Variants in NOS1 observed in about 807,000 individuals in gnomAD.
The protein encoded by NOS1 is NOS type I.
A neutral mutation model predicts 164.5 loss-of-function variants in NOS1; 51 were observed. The ratio of observed to expected loss-of-function variants is 0.31; its 90% CI spans 0.25 to 0.39. The LOEUF (loss-of-function observed/expected upper bound fraction) is 0.39, where lower values mean the gene tolerates loss of function less well. Ranked by LOEUF, NOS1 falls within the 10% of genes least tolerant of loss-of-function variation. NOS1 has a pLI of 1.00. For missense variants in NOS1, 1,362 were observed against 1,885.6 expected, an observed-to-expected ratio of 0.72 and a Z score of 5.14; for synonymous variants, 719 against 745.8, an observed-to-expected ratio of 0.96 and a Z score of 0.59.
intron 1 of NOS1, among the ~76,000 whole-genome samples, chr12:117,358,443 G>C (rs181660879): frequency 0.011 from 1,659 of 152,332 alleles, 107 homozygotes; most frequent in Admixed American, 0.1. Context: ...CAAAAAGCGG[G>C]CTGCTCTGAA....
chr12:117,211,972 G>T lies in NOS1; in HGVS notation c.*3337C>A. 1.5e-6 allele frequency: 1 copy of T among 665,020 alleles called. No individual in the cohort carries two copies. The highest frequency in any genetic ancestry group is 1.9e-6 in the Non-Finnish European group (1 of 537,318). The allele number at this position is 665,020 out of a possible 1,614,324, so 41.2% of individuals were successfully genotyped here. On this transcript the variant is annotated 3_prime_UTR_variant, in exon 29 of 29. Transcript: ENST00000317775. ...CCCAGTTACTCAGGAGGCCGAGGCA[G>T]AAGAATCACTTGAACTGGGGGAGGC...
intron 16 of NOS1, 142 bp downstream of exon 16, chr12:117,258,255 C>A: frequency 1.3e-6 from 1 of 783,874 alleles, no homozygotes; most frequent in East Asian, 2.7e-5. Context: ...AGACTGCAGA[C>A]ACCTCACAAC....
chr12:117,349,257 G>A (rs1319917103), intron 1 of NOS1, among the ~76,000 whole-genome samples: 1 of 152,206 alleles, frequency 6.6e-6, no homozygotes, highest in Non-Finnish European at 1.5e-5. Context: ...TCAGCATCAC[G>A]CTTTTGAGGT....
At chr12:117,323,853 C>T (rs1219441619) in intron 2 of NOS1, among the ~76,000 whole-genome samples, 1 of 152,120 alleles carries the variant, frequency 6.6e-6, no homozygotes, top group Non-Finnish European at 1.5e-5. Flanking sequence ...GCGATTTCAA[C>T]TCACTGCAAT....
intron 3 of NOS1, among the ~76,000 whole-genome samples, chr12:117,292,072 T>C (rs564945055): frequency 6.6e-6 from 1 of 152,316 alleles, no homozygotes; most frequent in South Asian, 2.1e-4. Flanking sequence ...TACATTCAAT[T>C]AGCATTTATT....
chr12:117,344,678 A>G (rs1876262735), intron 1 of NOS1, among the ~76,000 whole-genome samples: 2 of 152,216 alleles, frequency 1.3e-5, no homozygotes, highest in East Asian at 3.9e-4. Context: ...AAGTTGAAAG[A>G]GATGCTAGGG....
At chr12:117,268,355 T>A (rs887823742) in intron 10 of NOS1, among the ~76,000 whole-genome samples, 9 of 151,998 alleles carry the variant, frequency 5.9e-5, no homozygotes, top group African/African-American at 2.2e-4. Flanking sequence ...CTCAGCCTCC[T>A]GAGTAGCTGG....
intron 20 of NOS1, among the ~76,000 whole-genome samples, chr12:117,239,579 T>C (rs1031372312): frequency 1.3e-5 from 2 of 152,236 alleles, no homozygotes; most frequent in Non-Finnish European, 2.9e-5. Flanking sequence ...TTGTCTGCAA[T>C]TAGTGGTCTC....
chr12:117,226,812 C>T (rs770589078), intron 23 of NOS1, 42 bp from the exon 24 acceptor site: 65 of 1,491,792 alleles, frequency 4.4e-5, no homozygotes, highest in Non-Finnish European at 5.2e-5. Context: ...CCACTGCTCC[C>T]GAGCACGGCC....
chr12:117,260,118 C>CAA (rs60261967), intron 14 of NOS1, among the ~76,000 whole-genome samples: 46 of 115,806 alleles, frequency 4.0e-4, no homozygotes, highest in African/African-American at 1.3e-3. Flanking sequence ...AACTCCTTCT[C>CAA]AAAAAAAAAA....
At chr12:117,339,935 G>A (rs1204918801) in intron 1 of NOS1, among the ~76,000 whole-genome samples, 1 of 152,184 alleles carries the variant, frequency 6.6e-6, no homozygotes, top group African/African-American at 2.4e-5. Context: ...AAAGGGGGCT[G>A]GAAGGCTAGA....
chr12:117,237,711 GA>G (rs1187788324), intron 20 of NOS1, among the ~76,000 whole-genome samples: 6 of 152,052 alleles, frequency 3.9e-5, no homozygotes, highest in African/African-American at 1.4e-4. Flanking sequence ...ATTCTTCAGT[GA>G]AAAGAGTAAA....
chr12:117,211,894 G>C lies in NOS1; in HGVS notation c.*3415C>G. On this transcript the variant is annotated 3_prime_UTR_variant, in exon 29 of 29. Transcript: ENST00000317775. ...AGCCTGGCCAACATGGTGAAACCCTGACTCTACTAAAAATACAAAACTTAG... is the reference window on the plus strand; with the variant it reads ...AGCCTGGCCAACATGGTGAAACCCTCACTCTACTAAAAATACAAAACTTAG... 4 of 799,388 alleles carry C rather than the reference G, an allele frequency of 5.0e-6. No homozygotes were observed. Among genetic ancestry groups the C allele is most frequent in the Non-Finnish European group, 6.1e-6 (4 of 660,714 alleles). The allele number at this position is 799,388 out of a possible 1,614,324, so 49.5% of individuals were successfully genotyped here.
chr12:117,232,884 T>C (rs1320186043), intron 21 of NOS1, among the ~76,000 whole-genome samples: 1 of 152,036 alleles, frequency 6.6e-6, no homozygotes, highest in Non-Finnish European at 1.5e-5. Context: ...TTATTTATTT[T>C]TTTGAGACAG....
At chr12:117,258,704 T>C (rs535030661) in intron 15 of NOS1, among the ~76,000 whole-genome samples, 1 of 152,270 alleles carries the variant, frequency 6.6e-6, no homozygotes, top group South Asian at 2.1e-4. Context: ...GTTGGAGCCT[T>C]CCTTCTATAA....
Position 117,253,771 on chromosome 12 carries a change from G to A in NOS1, c.2532-17C>T, listed in dbSNP as rs756327696. The A allele has an allele frequency of 6.3e-7, 1 of 1,576,152 alleles. No homozygotes were observed. The highest frequency in any genetic ancestry group is 1.7e-5 in the Admixed American group (1 of 59,932). ...TTGTAGCTCCTGCCAAAACCAAAGA[G>A]AACCTGTGAGCTCTGGCCTGGAGCT... On this transcript the variant is annotated splice_polypyrimidine_tract_variant and intron_variant, in intron 16 of 28. Transcript: ENST00000317775.
At chr12:117,227,304 TG>T in intron 23 of NOS1, 126 bp downstream of exon 23, 2 of 849,500 alleles carry the variant, frequency 2.4e-6, no homozygotes, top group Non-Finnish European at 3.7e-6. Flanking sequence ...CCCAGCTTTC[TG>T]GTCTTGGGGA....
intron 1 of NOS1, among the ~76,000 whole-genome samples, chr12:117,340,464 A>T (rs1424950097): frequency 6.6e-6 from 1 of 152,160 alleles, no homozygotes; most frequent in Non-Finnish European, 1.5e-5. Context: ...AGGGGTGATA[A>T]TAGTGCCTAC....
At chr12:117,270,858 A>G (rs1872741557) in intron 10 of NOS1, among the ~76,000 whole-genome samples, 1 of 152,082 alleles carries the variant, frequency 6.6e-6, no homozygotes. Context: ...CAACATGGTG[A>G]AACCTCATCT....
Sources: allele counts gnomAD v4.1 joint callset (sites outside exome capture counted in the v4.1 genomes callset), GRCh38; gene constraint gnomAD v4.1.1; transcripts MANE v1.5; gene names NCBI Gene and HGNC (gene_info 2026-07-23, HGNC 2026-07-21).